FCRL3: variants seen among roughly 807,000 people sequenced by gnomAD.
The protein encoded by FCRL3 is Fc receptor like 3.
Under a neutral mutation model 75.0 loss-of-function variants are expected in FCRL3, and 89 were observed. The ratio of observed to expected loss-of-function variants is 1.19; its 90% CI spans 1.00 to 1.42. The LOEUF (loss-of-function observed/expected upper bound fraction) is 1.42. FCRL3 is among the 40% of genes most tolerant of loss of function. The pLI, the probability that FCRL3 is intolerant of heterozygous loss-of-function variation, is 0.00. For synonymous variants in FCRL3, 376 were observed against 348.5 expected, an observed-to-expected ratio of 1.08 and a Z score of -0.88; for missense variants, 946 against 880.0, an observed-to-expected ratio of 1.07 and a Z score of -0.95.
intron 8 of FCRL3, among the ~76,000 whole-genome samples, chr1:157,694,267 A>G (rs1219804058): frequency 6.6e-6 from 1 of 152,210 alleles, no homozygotes; most frequent in Non-Finnish European, 1.5e-5. Flanking sequence ...GAAAATAAGC[A>G]CAAGACTAGT....
rs115346257 is a variant in FCRL3 at position 157,686,602 on chromosome 1, C to T, written c.1810+3196G>A. Among the ~76,000 whole-genome samples the T allele has an allele frequency of 3.9e-3, 596 of 151,922 alleles. 2 individuals carry two copies. The highest frequency in any genetic ancestry group is 0.014 in the African/African-American group (563 of 41,474). On this transcript the variant is annotated intron_variant, in intron 10 of 14. Transcript: ENST00000368184. ...ATACAAAAACAGACACATAGACCAA[C>T]GGAATGGAATAGAAAACTCAGAAAT...
intron 3 of FCRL3, 54 bp downstream of exon 3, chr1:157,699,638 G>A (rs928919460): frequency 4.0e-5 from 64 of 1,603,206 alleles, no homozygotes; most frequent in Non-Finnish European, 5.4e-5. Flanking sequence ...GGCTGTGTGG[G>A]CTGAGGGGAC....
chr1:157,679,508 T>C (rs1240898273), intron 13 of FCRL3, among the ~76,000 whole-genome samples: 1 of 152,080 alleles, frequency 6.6e-6, no homozygotes, highest in Non-Finnish European at 1.5e-5. Context: ...GAAAATTTAG[T>C]GTGTGTGTAT....
intron 7 of FCRL3, 186 bp downstream of exon 7, chr1:157,695,854 C>T (rs938140085): frequency 7.0e-6 from 5 of 714,412 alleles, no homozygotes; most frequent in Non-Finnish European, 9.0e-6. Context: ...CTTATTTTGC[C>T]ATCTTTCCAT....
At chr1:157,683,786 C>T (rs1381199983) in intron 10 of FCRL3, among the ~76,000 whole-genome samples, 3 of 152,080 alleles carry the variant, frequency 2.0e-5, no homozygotes, top group Non-Finnish European at 4.4e-5. Flanking sequence ...TTTTCCACAC[C>T]TCTTCTCTCC....
Position 157,676,904 on chromosome 1 carries a change from T to C in FCRL3, c.*1806A>G. 1 of 1,454,728 alleles carries C rather than the reference T, an allele frequency of 6.9e-7. No homozygotes were observed. 90.1% of individuals were successfully genotyped at this position (1,454,728 alleles called of 1,614,324 possible). On this transcript the variant is annotated 3_prime_UTR_variant, in exon 15 of 15. Transcript: ENST00000368184. ...AGGAGGAGAGCCTCCATATACAGCC[T>C]GGTGGTTGGTACCCAAAACCGGTTT... is the stretch of plus-strand genomic sequence containing the variant.
Position 157,678,642 on chromosome 1 carries a change from G to T in FCRL3, c.*68C>A. The T allele has an allele frequency of 6.3e-7, 1 of 1,596,298 alleles. No homozygotes were observed. Among genetic ancestry groups the T allele is most frequent in the Admixed American group, 1.7e-5 (1 of 59,308 alleles). On this transcript the variant is annotated 3_prime_UTR_variant, in exon 15 of 15. Transcript: ENST00000368184. Reference sequence around the variant, plus strand: ...GGCAGAGTCTGGAGAGATGGATGATGTGTGGTTGGAGAGAACAGAAAAAAA... The same window carrying T: ...GGCAGAGTCTGGAGAGATGGATGATTTGTGGTTGGAGAGAACAGAAAAAAA...
In FCRL3 at chr1:157,697,346, G is replaced by A; in HGVS notation, c.638C>T (p.Thr213Ile). ...EGSPMTLTCE[T>I]QLSPQRPDVQ... ...ATCTGGCCTCTGTGGAGAGAGCTGG[G>A]TCTCACAGGTCAGGGTCATGGGACT... The change falls in exon 6 of 15, where the codon ACC becomes ATC. Residue 213 changes from threonine to isoleucine, a missense_variant. Physicochemically the swap from Thr to Ile is moderately conservative, Grantham distance 89. Transcript: ENST00000368184. The A allele has an allele frequency of 6.2e-7, 1 of 1,609,538 alleles. No individual in the cohort carries two copies.
intron 10 of FCRL3, among the ~76,000 whole-genome samples, chr1:157,686,342 T>C (rs897430633): frequency 1.3e-5 from 2 of 152,090 alleles, no homozygotes; most frequent in African/African-American, 4.8e-5. Context: ...AGAATTAATA[T>C]TGTTAAAATG....
intron 8 of FCRL3, chr1:157,691,880 T>C (rs1655566601): frequency 1.3e-5 from 2 of 152,210 alleles, no homozygotes; most frequent in Admixed American, 1.3e-4. Flanking sequence ...TATTGTCAAC[T>C]TAAGTGGTCT....
chr1:157,695,608 C>A lies in FCRL3; in HGVS notation c.1133-1G>T. 1 of 1,595,546 alleles carries A rather than the reference C, an allele frequency of 6.3e-7. No homozygotes were observed. Among genetic ancestry groups the A allele is most frequent in the African/African-American group, 1.3e-5 (1 of 74,318 alleles). On this transcript the variant is annotated splice_acceptor_variant, in intron 7 of 14. Transcript: ENST00000368184. LOFTEE classifies it high-confidence loss of function. ...GTGAGGACAGGGTGAGATACCGGAA[C>A]TGAAGGAGACAAAAGGGCTGTCAGA...
At chr1:157,694,733 G>A (rs1655775293) in intron 8 of FCRL3, among the ~76,000 whole-genome samples, 1 of 152,224 alleles carries the variant, frequency 6.6e-6, no homozygotes, top group Admixed American at 6.5e-5. Flanking sequence ...AGGGGATACT[G>A]AGAACATCAG....
At chr1:157,698,021 C>G in intron 4 of FCRL3, 102 bp from the exon 5 acceptor site, 1 of 1,345,092 alleles carries the variant, frequency 7.4e-7, no homozygotes, top group Non-Finnish European at 1.0e-6. Flanking sequence ...TACACACCTG[C>G]AAATGGCCCC....
At chr1:157,682,862 A>G (rs1266847019) in intron 11 of FCRL3, among the ~76,000 whole-genome samples, 1 of 152,220 alleles carries the variant, frequency 6.6e-6, no homozygotes, top group Admixed American at 6.5e-5. Flanking sequence ...CCAGCATTCA[A>G]TAATAATTTC....
intron 5 of FCRL3, 108 bp from the exon 6 acceptor site, chr1:157,697,532 A>G (rs1046283864): frequency 3.4e-6 from 5 of 1,464,790 alleles, no homozygotes; most frequent in African/African-American, 1.4e-5. Flanking sequence ...AAGCATGCAG[A>G]AGGAACCATC....
rs113811878 is a variant in FCRL3 at position 157,698,609 on chromosome 1, G to A, written c.73C>T (p.Leu25Phe). The A allele has an allele frequency of 6.2e-6, 10 of 1,613,940 alleles. No homozygotes were observed. Among genetic ancestry groups the A allele is most frequent in the African/African-American group, 4.0e-5 (3 of 74,912 alleles). Residue 25 changes from leucine (L) to phenylalanine (F), a missense_variant, in exon 4 of 15, where the codon CTT becomes TTT. Leu to Phe is a conservative substitution (Grantham distance 22). Transcript: ENST00000368184. ...EQSGVAPKAV[L>F]LLNPPWSTAF... The stretch of plus-strand genomic sequence containing the variant: ...GTGGACCATGGAGGATTGAGGAGAA[G>A]TACAGCTTTTGGGGCCACCCCTAAA...
At chr1:157,678,907 C>T (rs944249559) in intron 14 of FCRL3, 35 bp downstream of exon 14, 4 of 1,613,794 alleles carry the variant, frequency 2.5e-6, no homozygotes, top group South Asian at 1.1e-5. Context: ...GAGAGGAAGG[C>T]CAGAGAGGAA....
intron 11 of FCRL3, among the ~76,000 whole-genome samples, chr1:157,682,342 G>A (rs1197276895): frequency 6.6e-6 from 1 of 152,120 alleles, no homozygotes; most frequent in Non-Finnish European, 1.5e-5. Flanking sequence ...GAATGGTATT[G>A]CCTAGGTTTT....
At chr1:157,700,829 G>A, upstream of FCRL3, 2 of 932,162 alleles carry the variant, frequency 2.1e-6, no homozygotes, top group South Asian at 6.6e-5. Context: ...AATTCTTTCT[G>A]TATTTTTCAT....
Sources: gnomAD v4.1 joint callset for allele counts (sites outside exome capture counted in the v4.1 genomes callset) on GRCh38, gnomAD v4.1.1 for gene constraint, MANE v1.5 for transcripts, NCBI Gene and HGNC (gene_info 2026-07-23, HGNC 2026-07-21) for gene names.